The following SLC36A1 variants were observed in gnomAD, a reference collection of about 807,000 sequenced individuals.
The protein encoded by SLC36A1 is solute carrier family 36 member 1.
A neutral mutation model predicts 47.5 loss-of-function variants in SLC36A1; 30 were observed. That is an observed-to-expected ratio of 0.63 (90% CI 0.47 to 0.86). The LOEUF (loss-of-function observed/expected upper bound fraction) is 0.86, where lower values mean the gene tolerates loss of function less well. SLC36A1 is among the 40% of genes least tolerant of loss of function. The pLI is 0.00. For missense variants in SLC36A1, 517 were observed against 606.0 expected (o/e 0.85, Z 1.54); for synonymous variants, 255 against 249.7 (o/e 1.02, Z -0.20).
At chr5:151,543,887 G>A in the SLC36A1 span, 1 of 1,614,206 alleles carries the variant, frequency 6.2e-7, no homozygotes, top group Non-Finnish European at 8.5e-7. Context: ...AGGTACTCCA[G>A]GCGGGAGGTG....
At chr5:151,521,893 C>T in the SLC36A1 span, 2 of 1,613,992 alleles carry the variant, frequency 1.2e-6, no homozygotes, top group Non-Finnish European at 1.7e-6. Flanking sequence ...TTCTGCCAGG[C>T]TATAGGTCAG....
At chr5:151,528,745 T>C in the SLC36A1 span, among the ~76,000 whole-genome samples, 5 of 152,204 alleles carry the variant, frequency 3.3e-5, no homozygotes, top group East Asian at 9.7e-4. Context: ...TTCACTCCAT[T>C]GAATGAGGGA....
Position 151,467,930 on chromosome 5 carries a change from A to G in SLC36A1, c.723+5A>G. The G allele has an allele frequency of 1.2e-6, 2 of 1,611,818 alleles. No individual in the cohort carries two copies. The highest frequency in any genetic ancestry group is 2.2e-5 in the East Asian group (1 of 44,780). On this transcript the variant is annotated splice_donor_5th_base_variant and intron_variant, in intron 7 of 10. Transcript: ENST00000243389. ...ATCTACCAGTTCATTGTTCAGGTAC[A>G]TGCCTAGGCCCTCTCCTATCATCTT...
At chr5:151,487,958 A>G (rs1445118657) in intron 10 of SLC36A1, 25 bp from the exon 11 acceptor site, 9 of 1,612,334 alleles carry the variant, frequency 5.6e-6, no homozygotes, top group African/African-American at 1.3e-5. Context: ...GGCATCTTAA[A>G]CAGGCATGTC....
At chr5:151,500,361 G>T in the SLC36A1 span, among the ~76,000 whole-genome samples, 1 of 140,314 alleles carries the variant, frequency 7.1e-6, no homozygotes, top group Non-Finnish European at 1.6e-5. Flanking sequence ...CCTCATTAGG[G>T]TTTTGTTGTT....
chr5:151,532,380 C>T, the SLC36A1 span, among the ~76,000 whole-genome samples: 9 of 104,026 alleles, frequency 8.7e-5, no homozygotes, highest in East Asian at 5.3e-4. Flanking sequence ...ACTAAGTGTG[C>T]GTGTACAAAC....
the SLC36A1 span, among the ~76,000 whole-genome samples, chr5:151,382,730 A>G: frequency 6.6e-6 from 1 of 152,210 alleles, no homozygotes. Flanking sequence ...TGCTTTAACC[A>G]TTCTCTTTAT....
chr5:151,344,973 CT>C, the SLC36A1 span, among the ~76,000 whole-genome samples: 282 of 152,220 alleles, frequency 1.9e-3, 1 homozygote, highest in African/African-American at 6.2e-3. Context: ...AGAGGGATTT[CT>C]TTTCTCAGCC....
chr5:151,548,207 A>G, the SLC36A1 span, among the ~76,000 whole-genome samples: 1,080 of 152,250 alleles, frequency 7.1e-3, 12 homozygotes, highest in African/African-American at 0.025. Context: ...CTGACATGCA[A>G]TAAATGAACA....
chr5:151,544,998 C>G, the SLC36A1 span: 1 of 1,614,130 alleles, frequency 6.2e-7, no homozygotes, highest in Non-Finnish European at 8.5e-7. Flanking sequence ...TCCGATTGTC[C>G]CTCACTTCCA....
chr5:151,504,818 G>A, the SLC36A1 span: 3 of 152,654 alleles, frequency 2.0e-5, no homozygotes, highest in African/African-American at 7.2e-5. Flanking sequence ...GTAGACTCCT[G>A]GCAGGCCCTG....
chr5:151,382,302 C>T, the SLC36A1 span: 2 of 1,164,530 alleles, frequency 1.7e-6, no homozygotes, highest in East Asian at 2.4e-5. Context: ...CCTCAACCTG[C>T]ACAGTCGCCT....
At chr5:151,345,512 C>G in the SLC36A1 span, among the ~76,000 whole-genome samples, 1 of 152,118 alleles carries the variant, frequency 6.6e-6, no homozygotes, top group African/African-American at 2.4e-5. Flanking sequence ...TCCTGAGTCT[C>G]TGTACATAGA....
the SLC36A1 span, chr5:151,550,621 G>T: frequency 1.9e-6 from 3 of 1,614,112 alleles, no homozygotes; most frequent in Non-Finnish European, 2.5e-6. Flanking sequence ...GGAGGGCCCC[G>T]AGCCGAGGTC....
the SLC36A1 span, among the ~76,000 whole-genome samples, chr5:151,524,185 A>G: frequency 6.6e-6 from 1 of 152,108 alleles, no homozygotes; most frequent in Non-Finnish European, 1.5e-5. Flanking sequence ...ACCACCTCTC[A>G]TTGTACTTAG....
the SLC36A1 span, among the ~76,000 whole-genome samples, chr5:151,357,884 A>G: frequency 6.6e-6 from 1 of 152,262 alleles, no homozygotes; most frequent in African/African-American, 2.4e-5. Context: ...GAAAACCTAT[A>G]GACAGATAAG....
At chr5:151,456,457 G>C (rs1754520356) in intron 1 of SLC36A1, among the ~76,000 whole-genome samples, 1 of 152,222 alleles carries the variant, frequency 6.6e-6, no homozygotes, top group Admixed American at 6.5e-5. Flanking sequence ...GGTAGGCTTG[G>C]CGCCTGGGCC....
chr5:151,457,551 A>G (rs1044689798), intron 1 of SLC36A1, among the ~76,000 whole-genome samples: 6 of 152,150 alleles, frequency 3.9e-5, no homozygotes, highest in Admixed American at 3.3e-4. Flanking sequence ...AAAAATAAAA[A>G]GGAAGAAGAG....
At chr5:151,544,862 G>C in the SLC36A1 span, 7 of 1,614,174 alleles carry the variant, frequency 4.3e-6, no homozygotes, top group South Asian at 7.7e-5. Context: ...ACCTGAAAGA[G>C]GACATCCCCT....
Sources: gnomAD v4.1 joint callset for allele counts (sites outside exome capture counted in the v4.1 genomes callset) on GRCh38, gnomAD v4.1.1 for gene constraint, MANE v1.5 for transcripts, NCBI Gene and HGNC (gene_info 2026-07-23, HGNC 2026-07-21) for gene names.